MAGI2: variants seen among roughly 807,000 people sequenced by gnomAD.
MAGI2 encodes membrane associated guanylate kinase, WW and PDZ domain containing 2, also known as membrane-associated guanylate kinase, WW and PDZ domain-containing protein 2.
A neutral mutation model predicts 133.3 loss-of-function variants in MAGI2; 35 were observed. The ratio of observed to expected loss-of-function variants is 0.26; its 90% CI spans 0.20 to 0.35. The LOEUF (loss-of-function observed/expected upper bound fraction) is 0.35, where lower values mean the gene tolerates loss of function less well. Among genes scored for constraint, MAGI2 ranks in the 10% least tolerant of loss-of-function variants. MAGI2 has a pLI of 1.00. For synonymous variants in MAGI2, 729 were observed against 710.6 expected (o/e 1.03, Z -0.41); for missense variants, 1,636 against 1,863.4 (o/e 0.88, Z 2.25).
At chr7:78,799,432 T>C (rs1047990086) in intron 2 of MAGI2, among the ~76,000 whole-genome samples, 2 of 152,118 alleles carry the variant, frequency 1.3e-5, no homozygotes, top group African/African-American at 4.8e-5. Context: ...GCCGTACTTA[T>C]TAATGAGAAT....
intron 2 of MAGI2, among the ~76,000 whole-genome samples, chr7:78,665,187 C>T (rs73378302): frequency 0.016 from 2,369 of 151,952 alleles, 69 homozygotes; most frequent in African/African-American, 0.054. Flanking sequence ...TTACTACCTA[C>T]GATTATAAGT....
chr7:78,595,141 G>A (rs529924931), intron 3 of MAGI2, among the ~76,000 whole-genome samples: 54 of 146,198 alleles, frequency 3.7e-4, no homozygotes, highest in African/African-American at 1.4e-3. Flanking sequence ...TAAGCAGCCC[G>A]ACCCTCAGTT....
intron 1 of MAGI2, among the ~76,000 whole-genome samples, chr7:79,018,347 TAAGGG>T (rs1808945812): frequency 6.6e-6 from 1 of 152,140 alleles, no homozygotes; most frequent in African/African-American, 2.4e-5. Context: ...AAGCAAACGC[TAAGGG>T]AATTCATTAC....
intron 1 of MAGI2, among the ~76,000 whole-genome samples, chr7:79,073,614 C>T (rs1461174148): frequency 6.6e-6 from 1 of 151,888 alleles, no homozygotes; most frequent in East Asian, 1.9e-4. Flanking sequence ...ATTCTTGCTC[C>T]TCTCAAGTTC....
At chr7:78,949,960 C>T (rs1290212573) in intron 2 of MAGI2, among the ~76,000 whole-genome samples, 1 of 152,126 alleles carries the variant, frequency 6.6e-6, no homozygotes, top group Non-Finnish European at 1.5e-5. Flanking sequence ...AGATACTGGC[C>T]TCCATTGACA....
chr7:78,089,493 A>C (rs1396637147), intron 20 of MAGI2, among the ~76,000 whole-genome samples: 1 of 152,274 alleles, frequency 6.6e-6, no homozygotes, highest in African/African-American at 2.4e-5. Context: ...CAATAATTCA[A>C]GAACAAGACA....
At chr7:78,931,907 A>C (rs568541832) in intron 2 of MAGI2, among the ~76,000 whole-genome samples, 54 of 152,142 alleles carry the variant, frequency 3.5e-4, no homozygotes, top group Admixed American at 2.6e-3. Context: ...GAAATGCTAC[A>C]AAATCTGAAA....
chr7:78,938,615 C>T (rs1425774505), intron 2 of MAGI2, among the ~76,000 whole-genome samples: 1 of 152,044 alleles, frequency 6.6e-6, no homozygotes, highest in Non-Finnish European at 1.5e-5. Flanking sequence ...TTAGTACTAA[C>T]TAAAACTAAC....
chr7:78,324,170 C>CACTACACTACACTACACT (rs77844311), intron 9 of MAGI2, among the ~76,000 whole-genome samples: 3,090 of 127,216 alleles, frequency 0.024, 54 homozygotes, highest in Middle Eastern at 0.046. Flanking sequence ...CACTACACTA[C>CACTACACTACACTACACT]ACACTACACT....
intron 1 of MAGI2, among the ~76,000 whole-genome samples, chr7:79,049,870 C>G (rs986178150): frequency 6.6e-6 from 1 of 151,504 alleles, no homozygotes; most frequent in Non-Finnish European, 1.5e-5. Context: ...TTATTCCTTA[C>G]TCATATTTTA....
chr7:78,261,782 A>T (rs1193730587), intron 9 of MAGI2, among the ~76,000 whole-genome samples: 2 of 152,164 alleles, frequency 1.3e-5, no homozygotes, highest in African/African-American at 4.8e-5. Flanking sequence ...GATTTGACTG[A>T]GCTTTATTTT....
chr7:79,019,434 C>T (rs1157029797), intron 1 of MAGI2, among the ~76,000 whole-genome samples: 1 of 152,174 alleles, frequency 6.6e-6, no homozygotes. Flanking sequence ...TGCCTTCTAC[C>T]ATGACTGTAA....
chr7:78,888,051 G>C (rs145223512), intron 2 of MAGI2, among the ~76,000 whole-genome samples: 2 of 152,158 alleles, frequency 1.3e-5, no homozygotes, highest in Non-Finnish European at 2.9e-5. Flanking sequence ...CTTTTCCAAC[G>C]GTCTTAGCAA....
intron 9 of MAGI2, among the ~76,000 whole-genome samples, chr7:78,311,083 A>G (rs1798662274): frequency 1.3e-5 from 2 of 152,230 alleles, no homozygotes; most frequent in Admixed American, 1.3e-4. Context: ...CTAGTATATC[A>G]AATTTACTGA....
intron 2 of MAGI2, among the ~76,000 whole-genome samples, chr7:78,801,827 T>C (rs572349830): frequency 2.6e-5 from 4 of 152,290 alleles, no homozygotes; most frequent in Admixed American, 1.3e-4. Flanking sequence ...TCTTATAAGA[T>C]AGATGCTACT....
intron 3 of MAGI2, among the ~76,000 whole-genome samples, chr7:78,576,974 A>T (rs1802332789): frequency 6.6e-6 from 1 of 152,102 alleles, no homozygotes; most frequent in Admixed American, 6.6e-5. Context: ...AAAAACCCAC[A>T]CAACTTTGTT....
chr7:79,016,318 C>A (rs952752073), intron 1 of MAGI2, among the ~76,000 whole-genome samples: 1 of 152,100 alleles, frequency 6.6e-6, no homozygotes, highest in Non-Finnish European at 1.5e-5. Flanking sequence ...GCCAGTCCGA[C>A]CAGAGCACCT....
At chr7:78,124,709 G>C (rs1820797587) in intron 20 of MAGI2, among the ~76,000 whole-genome samples, 1 of 152,010 alleles carries the variant, frequency 6.6e-6, no homozygotes, top group Admixed American at 6.6e-5. Flanking sequence ...AACACACAGA[G>C]AGAGTAAAGA....
intron 2 of MAGI2, among the ~76,000 whole-genome samples, chr7:78,750,668 G>A (rs1471838020): frequency 6.6e-6 from 1 of 152,128 alleles, no homozygotes; most frequent in Non-Finnish European, 1.5e-5. Flanking sequence ...GGGCAGCAGT[G>A]TTTCCTCTGG....
Sources: gnomAD v4.1 joint callset for allele counts (sites outside exome capture counted in the v4.1 genomes callset) on GRCh38, gnomAD v4.1.1 for gene constraint, MANE v1.5 for transcripts, NCBI Gene and HGNC (gene_info 2026-07-23, HGNC 2026-07-21) for gene names.